The following DSCAML1 variants were observed in gnomAD, a reference collection of about 807,000 sequenced individuals.
DSCAML1 encodes the protein DS cell adhesion molecule like 1, also known as cell adhesion molecule DSCAML1.
Under a neutral mutation model 200.5 loss-of-function variants are expected in DSCAML1, and 38 were observed. The observed-to-expected ratio is 0.19, with a 90% CI of 0.15 to 0.25. The LOEUF is 0.25. Ranked by LOEUF, DSCAML1 falls within the 10% of genes least tolerant of loss-of-function variation. The pLI is 1.00. For missense variants in DSCAML1, 2,223 were observed against 2,858.8 expected (o/e 0.78, Z 5.07); for synonymous variants, 1,215 against 1,165.0 (o/e 1.04, Z -0.87).
At chr11:117,546,149 C>G (rs761717283) in intron 3 of DSCAML1, among the ~76,000 whole-genome samples, 2 of 152,196 alleles carry the variant, frequency 1.3e-5, no homozygotes, top group Non-Finnish European at 2.9e-5. Flanking sequence ...TTATCTCTGC[C>G]TTTGGGCTCT....
chr11:117,496,747 C>G (rs1016083761), intron 11 of DSCAML1, among the ~76,000 whole-genome samples: 1 of 152,176 alleles, frequency 6.6e-6, no homozygotes, highest in Admixed American at 6.5e-5. Context: ...CCAGATGAGA[C>G]CCTTAGGGAC....
chr11:117,773,529 GCACACA>G lies in DSCAML1; in HGVS notation c.511+3256_511+3261del, dbSNP rs59492776. ...CCATCCAGCCTCCTCACCTCAAAAT[GCACACA>G]CACACACACACACACACACACACAC... On this transcript the variant is annotated intron_variant, in intron 3 of 32. Coordinates refer to ENST00000651296, the MANE Select transcript of DSCAML1 (RefSeq NM_020693.4). Among the ~76,000 whole-genome samples, 803 of 144,570 alleles carry G rather than the reference GCACACA, an allele frequency of 5.6e-3. 6 individuals carry two copies. Among genetic ancestry groups the G allele is most frequent in the South Asian group, 0.029 (128 of 4,450 alleles). 94.8% of individuals were successfully genotyped at this position (144,570 alleles called of 152,430 possible).
intron 3 of DSCAML1, among the ~76,000 whole-genome samples, chr11:117,645,847 A>G (rs2052511190): frequency 6.6e-6 from 1 of 151,920 alleles, no homozygotes. Context: ...ACATGTATAC[A>G]TATGTAACTA....
intron 27 of DSCAML1, 112 bp from the exon 28 acceptor site, chr11:117,433,583 C>A (rs2047848830): frequency 2.5e-6 from 3 of 1,199,816 alleles, no homozygotes; most frequent in Non-Finnish European, 3.5e-6. Flanking sequence ...GGGGCCAGGG[C>A]TGGTCTCCTA....
intron 3 of DSCAML1, among the ~76,000 whole-genome samples, chr11:117,703,282 C>G (rs73596632): frequency 8.9e-4 from 135 of 152,316 alleles, no homozygotes; most frequent in African/African-American, 3.0e-3. Context: ...GCCTTCACCA[C>G]CCGCCTAACA....
intron 3 of DSCAML1, among the ~76,000 whole-genome samples, chr11:117,615,663 G>A (rs1258466218): frequency 6.6e-6 from 1 of 152,158 alleles, no homozygotes; most frequent in Non-Finnish European, 1.5e-5. Flanking sequence ...GTAGAAGGAA[G>A]TGTGTCTGGA....
chr11:117,590,197 A>G (rs114998406), intron 3 of DSCAML1, among the ~76,000 whole-genome samples: 151 of 152,064 alleles, frequency 9.9e-4, no homozygotes, highest in African/African-American at 3.4e-3. Context: ...GCATTATGTT[A>G]TTTGATTTTT....
intron 2 of DSCAML1, among the ~76,000 whole-genome samples, chr11:117,779,973 C>G (rs934717080): frequency 1.3e-5 from 2 of 151,888 alleles, no homozygotes; most frequent in Non-Finnish European, 2.9e-5. Flanking sequence ...AAGTGAGCAC[C>G]TCATTTAAAT....
chr11:117,635,097 C>A (rs779750111), intron 3 of DSCAML1, among the ~76,000 whole-genome samples: 1 of 152,212 alleles, frequency 6.6e-6, no homozygotes, highest in South Asian at 2.1e-4. Flanking sequence ...AAGATGGATG[C>A]GCAGCCCCTG....
At chr11:117,537,852 T>G (rs1438270697) in intron 3 of DSCAML1, among the ~76,000 whole-genome samples, 1 of 152,196 alleles carries the variant, frequency 6.6e-6, no homozygotes, top group East Asian at 1.9e-4. Context: ...CTCTGGAGCC[T>G]GTAGAGAGAC....
intron 3 of DSCAML1, among the ~76,000 whole-genome samples, chr11:117,610,060 A>G (rs1394286307): frequency 6.6e-6 from 1 of 152,180 alleles, no homozygotes; most frequent in Admixed American, 6.5e-5. Context: ...AGACAAACCC[A>G]AAAAAGCAAC....
chr11:117,720,759 C>G (rs1238411966), intron 3 of DSCAML1, among the ~76,000 whole-genome samples: 2 of 152,218 alleles, frequency 1.3e-5, no homozygotes, highest in African/African-American at 4.8e-5. Context: ...TTGGCTTGAG[C>G]AGGGTGTGTG....
intron 3 of DSCAML1, among the ~76,000 whole-genome samples, chr11:117,681,904 C>T: frequency 6.6e-6 from 1 of 152,192 alleles, no homozygotes; most frequent in East Asian, 1.9e-4. Flanking sequence ...TATTTAAGCT[C>T]CTAACTGGTT....
chr11:117,790,742 G>A (rs111401041), intron 1 of DSCAML1, among the ~76,000 whole-genome samples: 1 of 152,170 alleles, frequency 6.6e-6, no homozygotes, highest in Non-Finnish European at 1.5e-5. Flanking sequence ...CAGGACGGGG[G>A]TAATTTTGCC....
At chr11:117,454,560 C>A (rs1257459234) in intron 19 of DSCAML1, among the ~76,000 whole-genome samples, 1 of 152,128 alleles carries the variant, frequency 6.6e-6, no homozygotes, top group Non-Finnish European at 1.5e-5. Context: ...TCTTAAAGTC[C>A]ATGTTTGATA....
intron 3 of DSCAML1, among the ~76,000 whole-genome samples, chr11:117,601,662 T>C (rs1193336613): frequency 6.6e-6 from 1 of 152,202 alleles, no homozygotes; most frequent in East Asian, 1.9e-4. Context: ...TAAGAATACA[T>C]TTCTGCAGCC....
chr11:117,715,726 G>T (rs2053942204), intron 3 of DSCAML1, among the ~76,000 whole-genome samples: 1 of 152,170 alleles, frequency 6.6e-6, no homozygotes, highest in Non-Finnish European at 1.5e-5. Flanking sequence ...GGGGAAGCAG[G>T]TAAGTGAATT....
intron 11 of DSCAML1, among the ~76,000 whole-genome samples, chr11:117,487,505 A>T (rs549289): frequency 6.6e-6 from 1 of 151,936 alleles, no homozygotes; most frequent in Admixed American, 6.6e-5. Context: ...GAGCATCTTA[A>T]AAGAGGATGG....
In DSCAML1 at chr11:117,776,987, T is replaced by C. The variant is rs143286361; in HGVS notation, c.365-50A>G. 16 of 1,601,898 alleles carry C rather than the reference T, an allele frequency of 1.0e-5. No homozygotes were observed. The African/African-American group carries it at 1.5e-4, about 15-fold the overall frequency. On this transcript the variant is annotated intron_variant, in intron 2 of 32. Coordinates refer to ENST00000651296, the MANE Select transcript of DSCAML1 (RefSeq NM_020693.4). ...AGAGAAGAGTGTCACAAGGATGTGG[T>C]GAGGGTCCCCAGAAAGGAACAGGGA...
Sources: allele counts gnomAD v4.1 joint callset (sites outside exome capture counted in the v4.1 genomes callset), GRCh38; gene constraint gnomAD v4.1.1; transcripts MANE v1.5; gene names NCBI Gene and HGNC (gene_info 2026-07-23, HGNC 2026-07-21).